Variants in PCDHA6 observed in about 807,000 individuals in gnomAD.
PCDHA6 encodes protocadherin alpha 6, also known as protocadherin alpha-6.
A neutral mutation model predicts 60.3 loss-of-function variants in PCDHA6; 55 were observed. The observed-to-expected ratio is 0.91, with a 90% CI of 0.73 to 1.14. The LOEUF (loss-of-function observed/expected upper bound fraction) is 1.14. Among genes scored for constraint, PCDHA6 ranks in the 50% most tolerant of loss-of-function variants. The pLI is 0.00. For synonymous variants in PCDHA6, 652 were observed against 557.9 expected (o/e 1.17, Z -2.38); for missense variants, 1,327 against 1,256.5 (o/e 1.06, Z -0.85).
At chr5:140,882,864 C>G in intron 1 of PCDHA6, 2 of 1,614,200 alleles carry the variant, frequency 1.2e-6, no homozygotes, top group Non-Finnish European at 8.5e-7. Context: ...CTGAGGAAAA[C>G]ACTGGACAGA....
rs201064172 is a variant in PCDHA6 at position 140,856,130 on chromosome 5, G to T, written c.2394+25645G>T. Reference sequence around the variant, plus strand: ...CCTCGCAGCCTGGGAGGTGGGGAGCGGCCAGCTCCACTACTCAGTCTACGA... The same window carrying T: ...CCTCGCAGCCTGGGAGGTGGGGAGCTGCCAGCTCCACTACTCAGTCTACGA... On this transcript the variant is annotated intron_variant, in intron 1 of 3. Coordinates refer to ENST00000529310, the MANE Select transcript of PCDHA6 (RefSeq NM_018909.4). 2.5e-4 allele frequency: 403 copies of T among 1,597,952 alleles called. 51 individuals carry two copies. Among genetic ancestry groups the T allele is most frequent in the Non-Finnish European group, 3.0e-4 (350 of 1,167,798 alleles).
intron 1 of PCDHA6, chr5:140,966,644 GCGTGAGCGGT>G (rs1554228519): frequency 3.3e-5 from 37 of 1,127,012 alleles, no homozygotes; most frequent in Non-Finnish European, 4.3e-5. Flanking sequence ...GCTTTCTAGA[GCGTGAGCGGT>G]GGGGGAGCAG....
chr5:140,976,933 A>G (rs1554238099), intron 1 of PCDHA6, among the ~76,000 whole-genome samples: 1 of 152,198 alleles, frequency 6.6e-6, no homozygotes, highest in African/African-American at 2.4e-5. Context: ...CTGTGTAGCT[A>G]CTTAAAACAT....
intron 1 of PCDHA6, among the ~76,000 whole-genome samples, chr5:140,941,077 G>C (rs2092726978): frequency 6.6e-6 from 1 of 152,068 alleles, no homozygotes; most frequent in South Asian, 2.1e-4. Context: ...CTGGAGAGTA[G>C]GTGGGTTTAG....
intron 3 of PCDHA6, among the ~76,000 whole-genome samples, chr5:140,996,531 G>C (rs782175834): frequency 6.6e-6 from 1 of 152,146 alleles, no homozygotes; most frequent in Non-Finnish European, 1.5e-5. Context: ...GGCCCTGTGT[G>C]TTTTGATATT....
At chr5:140,862,563 C>G in intron 1 of PCDHA6, 1 of 476,978 alleles carries the variant, frequency 2.1e-6, no homozygotes, top group East Asian at 5.5e-5. Context: ...CAGTGAACCA[C>G]AATGCCCTGG....
chr5:140,877,831 C>T (rs1226856696), intron 1 of PCDHA6: 5 of 1,592,698 alleles, frequency 3.1e-6, no homozygotes, highest in Non-Finnish European at 4.3e-6. Context: ...TTTAAATCCT[C>T]CCAGTGAAGT....
intron 1 of PCDHA6, among the ~76,000 whole-genome samples, chr5:140,890,258 A>G (rs2062565845): frequency 6.6e-6 from 1 of 152,030 alleles, no homozygotes; most frequent in East Asian, 1.9e-4. Flanking sequence ...ACTGCACCTG[A>G]TTGCAAGCAA....
In PCDHA6 at chr5:140,883,010, A is replaced by G. The variant is rs149814661; in HGVS notation, c.2394+52525A>G. 9.8e-4 allele frequency: 1,586 copies of G among 1,614,156 alleles called. 2 individuals carry two copies. The highest frequency in any genetic ancestry group is 1.3e-3 in the Non-Finnish European group (1,478 of 1,180,036). ...CCCGGAATTTTACCAATCCGTTTAT[A>G]AAGTGACGGTGTTAGAGAACGCCTT... On this transcript the variant is annotated intron_variant, in intron 1 of 3. Coordinates refer to ENST00000529310, the MANE Select transcript of PCDHA6 (RefSeq NM_018909.4).
chr5:140,898,887 C>T (rs1554188288), intron 1 of PCDHA6, among the ~76,000 whole-genome samples: 1 of 152,028 alleles, frequency 6.6e-6, no homozygotes, highest in Non-Finnish European at 1.5e-5. Context: ...TTGTAGTTCT[C>T]CTTGAAGAGG....
At chr5:140,926,719 A>G (rs1315762828) in intron 1 of PCDHA6, 38 of 986,432 alleles carry the variant, frequency 3.9e-5, no homozygotes, top group Non-Finnish European at 4.4e-5. Flanking sequence ...AGCCCCGGCA[A>G]TGCCGGCGTT....
chr5:140,849,121 A>G (rs2150430770), intron 1 of PCDHA6: 7 of 1,407,396 alleles, frequency 5.0e-6, no homozygotes, highest in Non-Finnish European at 1.9e-6. Context: ...CCGGAGCTTC[A>G]TTTATTGCTC....
intron 1 of PCDHA6, chr5:140,851,015 G>T: frequency 7.0e-7 from 1 of 1,432,294 alleles, no homozygotes. Flanking sequence ...TTTTTTTTCT[G>T]ATAAAGTAAA....
intron 1 of PCDHA6, among the ~76,000 whole-genome samples, chr5:140,924,894 C>CAAAA (rs782133089): frequency 2.8e-5 from 2 of 71,514 alleles, no homozygotes; most frequent in Non-Finnish European, 3.2e-5. Flanking sequence ...GAACCTGTCT[C>CAAAA]AAAAAAAAAA....
At chr5:140,968,288 C>T (rs782056996) in intron 1 of PCDHA6, 16 of 1,613,976 alleles carry the variant, frequency 9.9e-6, no homozygotes, top group Middle Eastern at 1.6e-4. Context: ...GACCTACTCC[C>T]TTCTGGAGAG....
chr5:140,995,893 A>T (rs1038677586), intron 3 of PCDHA6, among the ~76,000 whole-genome samples: 1 of 152,182 alleles, frequency 6.6e-6, no homozygotes, highest in Non-Finnish European at 1.5e-5. Flanking sequence ...AGATTTATCA[A>T]TGTATAAAAG....
intron 1 of PCDHA6, among the ~76,000 whole-genome samples, chr5:140,846,179 C>G (rs1250648449): frequency 1.3e-5 from 2 of 149,200 alleles, no homozygotes; most frequent in African/African-American, 4.9e-5. Context: ...CCTGAGTAGG[C>G]GTTTGAGTTC....
chr5:140,910,019 T>C (rs2074838579), intron 1 of PCDHA6, among the ~76,000 whole-genome samples: 1 of 152,222 alleles, frequency 6.6e-6, no homozygotes, highest in Non-Finnish European at 1.5e-5. Flanking sequence ...CATCCTTGTA[T>C]CCCTGGGATA....
intron 1 of PCDHA6, chr5:140,875,685 C>T (rs563250653): frequency 6.2e-7 from 1 of 1,613,934 alleles, no homozygotes; most frequent in South Asian, 1.1e-5. Flanking sequence ...CCAAAAGACA[C>T]GGGGACCTTC....
Sources: allele counts gnomAD v4.1 joint callset (sites outside exome capture counted in the v4.1 genomes callset), GRCh38; gene constraint gnomAD v4.1.1; transcripts MANE v1.5; gene names NCBI Gene and HGNC (gene_info 2026-07-23, HGNC 2026-07-21).